The following BEND7 variants were observed in gnomAD, a reference collection of about 807,000 sequenced individuals.
BEND7 encodes the protein BEN domain containing 7, also known as BEN domain-containing protein 7.
BEND7 carries 28 observed loss-of-function variants against 50.9 expected under a neutral mutation model. The observed-to-expected ratio is 0.55, with a 90% CI of 0.41 to 0.75. The LOEUF (loss-of-function observed/expected upper bound fraction) is 0.75, where lower values mean the gene tolerates loss of function less well. Among genes scored for constraint, BEND7 ranks in the 30% least tolerant of loss-of-function variants. The pLI is 0.00. For missense variants in BEND7, 477 were observed against 491.3 expected (o/e 0.97, Z 0.28); for synonymous variants, 170 against 183.9 (o/e 0.92, Z 0.61).
upstream of BEND7, chr10:13,529,053 G>A (rs2079579815): frequency 6.9e-6 from 1 of 145,222 alleles, no homozygotes; most frequent in African/African-American, 2.5e-5. Context: ...GCCCCCGCGG[G>A]AGGAGGGGCG....
Position 13,492,705 on chromosome 10 carries a change from G to C in BEND7, c.743C>G (p.Ser248Cys). 1 of 1,614,190 alleles carries C rather than the reference G, an allele frequency of 6.2e-7. No homozygotes were observed. Among genetic ancestry groups the C allele is most frequent in the Non-Finnish European group, 8.5e-7 (1 of 1,180,032 alleles). ...SEMEKKSVVA[S>C]ELSALQAAEH... ...GGCTGCCTGGAGAGCAGATAGCTCAGAGGCCACCACCGACTTTTTCTCCAT... is the reference window on the plus strand; with the variant it reads ...GGCTGCCTGGAGAGCAGATAGCTCACAGGCCACCACCGACTTTTTCTCCAT... The change falls in exon 5 of 9, where the codon TCT (serine) becomes TGT (cysteine). Residue 248 changes from serine (S) to cysteine (C), a missense_variant. Ser to Cys is a moderately radical substitution (Grantham distance 112). Coordinates refer to ENST00000466271, the MANE Select transcript of BEND7 (RefSeq NM_001369863.1).
Position 13,499,241 on chromosome 10 carries a change from C to T in BEND7, c.448+537G>A, listed in dbSNP as rs1033336787. 5.9e-5 allele frequency among the ~76,000 whole-genome samples: 9 copies of T among 152,172 alleles called. No individual in the cohort carries two copies. In the South Asian group the frequency reaches 6.2e-4, roughly 10 times the overall value. On this transcript the variant is annotated intron_variant, in intron 3 of 8. Coordinates refer to ENST00000466271, the MANE Select transcript of BEND7 (RefSeq NM_001369863.1). Reference sequence around the variant, plus strand: ...AAGAAAATTTTACTTTAAAGGAATACTTTCCATTGCTAATGAAGCATGTTA... The same window carrying T: ...AAGAAAATTTTACTTTAAAGGAATATTTTCCATTGCTAATGAAGCATGTTA...
chr10:13,523,837 C>T (rs1414143003), intron 2 of BEND7, among the ~76,000 whole-genome samples: 1 of 152,108 alleles, frequency 6.6e-6, no homozygotes, highest in Non-Finnish European at 1.5e-5. Flanking sequence ...CTTAACTGAC[C>T]TAGAGATCAC....
intron 6 of BEND7, among the ~76,000 whole-genome samples, chr10:13,471,218 C>T (rs1485728831): frequency 6.6e-6 from 1 of 152,192 alleles, no homozygotes; most frequent in African/African-American, 2.4e-5. Context: ...TTCTGAACAT[C>T]AGGGCCTTAG....
In BEND7 at chr10:13,447,193, C is replaced by T. The variant is rs1243548443; in HGVS notation, c.1234+73G>A. The T allele has an allele frequency of 1.8e-5, 27 of 1,486,506 alleles. No individual in the cohort carries two copies. The East Asian group carries it at 2.3e-4, about 12-fold the overall frequency. 92.1% of individuals were successfully genotyped at this position (1,486,506 alleles called of 1,614,324 possible). On this transcript the variant is annotated intron_variant, in intron 8 of 8. Transcript: ENST00000466271. ...GTGTCTGCATGTCTAATGTTAAAAT[C>T]GTTTTCAATGCAAATAGTTTTGTGG... is the stretch of plus-strand genomic sequence containing the variant.
chr10:13,518,461 G>A (rs1413539001), intron 2 of BEND7, among the ~76,000 whole-genome samples: 2 of 152,236 alleles, frequency 1.3e-5, no homozygotes, highest in Non-Finnish European at 2.9e-5. Flanking sequence ...AGGTAGAAAA[G>A]CTTGCTTCAT....
At chr10:13,494,996 A>G (rs1004901949) in intron 4 of BEND7, among the ~76,000 whole-genome samples, 8 of 152,168 alleles carry the variant, frequency 5.3e-5, no homozygotes, top group Admixed American at 2.0e-4. Context: ...TACCTCCCTA[A>G]TCTGCAAAGG....
intron 6 of BEND7, among the ~76,000 whole-genome samples, chr10:13,460,564 T>C (rs973572472): frequency 1.3e-5 from 2 of 152,216 alleles, no homozygotes. Context: ...TCTTCACGCG[T>C]CCTCAATGGC....
chr10:13,518,153 GAAAAGT>G (rs2078829034), intron 2 of BEND7, among the ~76,000 whole-genome samples: 1 of 152,168 alleles, frequency 6.6e-6, no homozygotes, highest in African/African-American at 2.4e-5. Flanking sequence ...ACCAGTGTAA[GAAAAGT>G]AAAAGACCAC....
chr10:13,481,664 T>C (rs1194288215), intron 5 of BEND7, among the ~76,000 whole-genome samples: 2 of 152,198 alleles, frequency 1.3e-5, no homozygotes, highest in African/African-American at 4.8e-5. Flanking sequence ...ATATTTTTTT[T>C]CCCCAATGAA....
intron 6 of BEND7, chr10:13,459,751 C>G (rs374991799): frequency 3.9e-5 from 6 of 152,340 alleles, no homozygotes; most frequent in African/African-American, 1.4e-4. Context: ...ATATGCAATG[C>G]AGAGGTGAAG....
chr10:13,510,953 G>T (rs1042427685), intron 2 of BEND7, among the ~76,000 whole-genome samples: 1 of 152,080 alleles, frequency 6.6e-6, no homozygotes, highest in African/African-American at 2.4e-5. Context: ...TGAGGTGGAC[G>T]GATCACTTGA....
rs771932662 is a variant in BEND7 at position 13,500,059 on chromosome 10, T to C, written c.167A>G (p.Lys56Arg). Residue 56 changes from lysine (K) to arginine (R), a missense_variant, in exon 3 of 9, where the codon AAA (lysine) becomes AGA (arginine). Lys to Arg is a conservative substitution (Grantham distance 26). Around this residue, in one of 3 missense-constraint regions of BEND7, gnomAD observed 396 missense variants for 384.2 expected, o/e 1.03. Coordinates refer to ENST00000466271, the MANE Select transcript of BEND7 (RefSeq NM_001369863.1). ...TCTTCTCATCCCTGTAATTTGCTTT[T>C]TTATTTCCATGCTTTCATCTCCTAA... ...IFLGDESMEI[K>R]KQITGMRRLL... 12 of 1,596,208 alleles carry C rather than the reference T, an allele frequency of 7.5e-6. No individual in the cohort carries two copies. The African/African-American group carries it at 1.3e-4, about 18-fold the overall frequency.
chr10:13,449,410 C>G (rs1274778284), intron 7 of BEND7, among the ~76,000 whole-genome samples: 1 of 152,182 alleles, frequency 6.6e-6, no homozygotes, highest in Admixed American at 6.5e-5. Flanking sequence ...CAAGGTGGGT[C>G]TGTTGCTCTG....
In BEND7 at chr10:13,500,072, T is replaced by C. The variant is rs753339452; in HGVS notation, c.154A>G (p.Ser52Gly). 102 of 1,591,300 alleles carry C rather than the reference T, an allele frequency of 6.4e-5. 1 individual carries two copies. The highest frequency in any genetic ancestry group is 7.5e-5 in the Non-Finnish European group (87 of 1,163,568). The change falls in exon 3 of 9, where the codon AGC becomes GGC. Residue 52 changes from serine to glycine, a missense_variant. Transcript: ENST00000466271. ...GTAATTTGCTTTTTTATTTCCATGC[T>C]TTCATCTCCTAATGGAAACAGGGCC... ...ETQPIFLGDESMEIKKQITGM... is the reference protein window; with the variant it reads ...ETQPIFLGDEGMEIKKQITGM...
At position 13,441,155 on chromosome 10, in the gene BEND7, C is replaced by T. The variant is rs1287235933; in HGVS notation, c.*588G>A. On this transcript the variant is annotated 3_prime_UTR_variant, in exon 9 of 9. Transcript: ENST00000466271. ...AAGAGCATCTTGGGAATTGATACCACAACACAATGTTATACACCATTTTCA... is the reference window on the plus strand; with the variant it reads ...AAGAGCATCTTGGGAATTGATACCATAACACAATGTTATACACCATTTTCA... The T allele has an allele frequency of 1.0e-6, 1 of 984,010 alleles. No individual in the cohort carries two copies. The allele number at this position is 984,010 out of a possible 1,614,324, so 61.0% of individuals were successfully genotyped here. A position where few individuals can be genotyped will look rare whatever the true frequency, so the allele number is the denominator to read the frequency against.
chr10:13,522,761 G>A (rs2079167858), intron 2 of BEND7, among the ~76,000 whole-genome samples: 1 of 152,176 alleles, frequency 6.6e-6, no homozygotes, highest in Admixed American at 6.5e-5. Flanking sequence ...TTCACAGACA[G>A]GCGGTTAAGT....
intron 6 of BEND7, chr10:13,459,758 G>C (rs955461491): frequency 1.3e-5 from 2 of 152,254 alleles, no homozygotes; most frequent in African/African-American, 4.8e-5. Flanking sequence ...ATGCAGAGGT[G>C]AAGGATTCTC....
At chr10:13,495,592 G>A (rs944916700) in intron 4 of BEND7, among the ~76,000 whole-genome samples, 2 of 152,202 alleles carry the variant, frequency 1.3e-5, no homozygotes, top group African/African-American at 4.8e-5. Flanking sequence ...AACCTGGGAG[G>A]TAGAGGTTTC....
Sources: allele counts gnomAD v4.1 joint callset (sites outside exome capture counted in the v4.1 genomes callset), GRCh38; gene constraint gnomAD v4.1.1; regional missense constraint gnomAD v4.1.1; transcripts MANE v1.5; gene names NCBI Gene and HGNC (gene_info 2026-07-23, HGNC 2026-07-21).